The following SVEP1 variants were observed in gnomAD, a reference collection of about 807,000 sequenced individuals.
The protein encoded by SVEP1 is sushi, von Willebrand factor type A, EGF and pentraxin domain-containing protein 1.
SVEP1 carries 164 observed loss-of-function variants against 367.3 expected under a neutral mutation model. That is an observed-to-expected ratio of 0.45 (90% CI 0.39 to 0.51). The LOEUF (loss-of-function observed/expected upper bound fraction) is 0.51. Among genes scored for constraint, SVEP1 ranks in the 20% least tolerant of loss-of-function variants. SVEP1 has a pLI of 0.00. For synonymous variants in SVEP1, 1,666 were observed against 1,611.6 expected, an observed-to-expected ratio of 1.03 and a Z score of -0.81; for missense variants, 4,117 against 4,425.3, an observed-to-expected ratio of 0.93 and a Z score of 1.98.
At chr9:110,446,091 A>C (rs114890210) in intron 25 of SVEP1, 53 bp from the exon 26 acceptor site, 10 of 1,507,558 alleles carry the variant, frequency 6.6e-6, no homozygotes, top group Non-Finnish European at 8.1e-6. Context: ...GACATTTCCA[A>C]TTGTCAGAGG....
At chr9:110,578,946 G>T in intron 1 of SVEP1, 67 bp downstream of exon 1, 2 of 1,504,834 alleles carry the variant, frequency 1.3e-6, no homozygotes, top group East Asian at 2.5e-5. Context: ...GGATAGAGAC[G>T]GGCAGGCAGC....
rs190085107 is a variant in SVEP1, at chr9:110,460,511, G to A, written c.3323-1398C>T. ...CTCATGCCTGTAACCCCAGCACTTT[G>A]GGAAGCTGAGGTGGGCGAATCACTT... On this transcript the variant is annotated intron_variant, in intron 18 of 47. Transcript: ENST00000374469. Among the ~76,000 whole-genome samples the A allele has an allele frequency of 1.6e-3, 244 of 152,274 alleles. 1 individual carries two copies. The highest frequency in any genetic ancestry group is 3.2e-4 in the Non-Finnish European group (22 of 68,014).
chr9:110,463,574 TAAAGAAAAAGGAAGGAAAGAAAGAAAG>T (rs1828891586), intron 18 of SVEP1, among the ~76,000 whole-genome samples: 1 of 59,922 alleles, frequency 1.7e-5, no homozygotes, highest in East Asian at 3.9e-4. Context: ...AAAGAGAAAA[TAAAGAAAAAGGAAGGAAAGAAAGAAAG>T]GAAGAAAAAG....
chr9:110,463,588 GGAAA>G (rs1278153625), intron 18 of SVEP1, among the ~76,000 whole-genome samples: 2 of 135,874 alleles, frequency 1.5e-5, no homozygotes, highest in East Asian at 2.1e-4. Context: ...GAAAAAGGAA[GGAAA>G]GAAAGAAAGG....
intron 5 of SVEP1, among the ~76,000 whole-genome samples, chr9:110,506,996 T>C (rs889290482): frequency 2.6e-5 from 4 of 151,998 alleles, no homozygotes; most frequent in Admixed American, 2.6e-4. Flanking sequence ...GCACTCTCAG[T>C]CAGAAGGCAT....
chr9:110,397,135 C>T (rs1163719002), intron 40 of SVEP1, among the ~76,000 whole-genome samples: 1 of 152,168 alleles, frequency 6.6e-6, no homozygotes, highest in Non-Finnish European at 1.5e-5. Flanking sequence ...CATCAAAAAG[C>T]TTATCCACCA....
rs558116795 is a variant in SVEP1, at chr9:110,529,305, G to T, written c.965-15199C>A. 4.6e-5 allele frequency among the ~76,000 whole-genome samples: 7 copies of T among 152,102 alleles called. No individual in the cohort carries two copies. The East Asian group carries it at 1.3e-3, about 29-fold the overall frequency. On this transcript the variant is annotated intron_variant, in intron 3 of 47. Coordinates refer to ENST00000374469, the MANE Select transcript of SVEP1 (RefSeq NM_153366.4). Reference sequence around the variant, plus strand: ...GTAGTATAATTTGAAGTTGAGTAATGTGATGCCTCTATATTTGTTCTTTTT... The same window carrying T: ...GTAGTATAATTTGAAGTTGAGTAATTTGATGCCTCTATATTTGTTCTTTTT...
chr9:110,458,974 G>C lies in SVEP1; in HGVS notation c.3462C>G (p.Ser1154=). 1 of 1,613,512 alleles carries C rather than the reference G, an allele frequency of 6.2e-7. No individual in the cohort carries two copies. The highest frequency in any genetic ancestry group is 8.5e-7 in the Non-Finnish European group (1 of 1,179,596). ...PFYGTTPFAG[S]RSITECSSFS... ...TACTTGAACATTCTGTGATGGATCT[G>C]GAACCAGCGAATGGGGTAGTTCCAT... The change falls in exon 19 of 48, where the codon TCC becomes TCG. Residue 1154 remains serine, a synonymous_variant. Transcript: ENST00000374469.
At chr9:110,485,133 G>A (rs138882444) in intron 9 of SVEP1, among the ~76,000 whole-genome samples, 155 of 152,238 alleles carry the variant, frequency 1.0e-3, no homozygotes, top group African/African-American at 3.5e-3. Flanking sequence ...ATACATGCAC[G>A]TGTATGTTCA....
At chr9:110,392,509 T>A (rs1564128387) in intron 40 of SVEP1, among the ~76,000 whole-genome samples, 1 of 152,192 alleles carries the variant, frequency 6.6e-6, no homozygotes, top group Admixed American at 6.5e-5. Context: ...TCTCCATTTT[T>A]TGTGACTTCA....
intron 35 of SVEP1, among the ~76,000 whole-genome samples, chr9:110,428,419 C>CAGACACAA (rs373532645): frequency 6.6e-6 from 1 of 151,522 alleles, no homozygotes. Flanking sequence ...CACACACACA[C>CAGACACAA]ACACACACAC....
In SVEP1 at chr9:110,561,824, T is replaced by C. The variant is rs374436833; in HGVS notation, c.532-11720A>G. ...TACTGTAATTTTAAGTCAATCACTG[T>C]TAGTATGCTTCATTTATTTTAAGTA... On this transcript the variant is annotated intron_variant, in intron 1 of 47. Coordinates refer to ENST00000374469, the MANE Select transcript of SVEP1 (RefSeq NM_153366.4). Among the ~76,000 whole-genome samples, 14 of 152,318 alleles carry C rather than the reference T, an allele frequency of 9.2e-5. No homozygotes were observed. In the East Asian group the frequency reaches 1.4e-3, roughly 15 times the overall value.
At position 110,512,572 on chromosome 9, in the gene SVEP1, T is replaced by G. The variant is rs539111937; in HGVS notation, c.1303+354A>C. ...TGTTGCAGGATACTTGTGTGATTCC[T>G]TAAGTCCTACAATTCCAAGAGGCAT... On this transcript the variant is annotated intron_variant, in intron 5 of 47. Coordinates refer to ENST00000374469, the MANE Select transcript of SVEP1 (RefSeq NM_153366.4). 3.3e-4 allele frequency among the ~76,000 whole-genome samples: 51 copies of G among 152,282 alleles called. 1 individual carries two copies. The highest frequency in any genetic ancestry group is 1.2e-3 in the African/African-American group (48 of 41,566).
At position 110,498,111 on chromosome 9, in the gene SVEP1, G is replaced by A. The variant is rs7039069; in HGVS notation, c.1681+930C>T. On this transcript the variant is annotated intron_variant, in intron 7 of 47. Coordinates refer to ENST00000374469, the MANE Select transcript of SVEP1 (RefSeq NM_153366.4). ...CCTTGTGGCATTTAAAGTTGTAAAT[G>A]AAATAGGTAACGTGAGTCTAATTCT... Among the ~76,000 whole-genome samples, 1,319 of 152,284 alleles carry A rather than the reference G, an allele frequency of 8.7e-3. 26 individuals carry two copies. The highest frequency in any genetic ancestry group is 0.029 in the African/African-American group (1,225 of 41,552).
chr9:110,539,689 T>C (rs980894720), intron 3 of SVEP1, among the ~76,000 whole-genome samples: 5 of 151,462 alleles, frequency 3.3e-5, no homozygotes, highest in African/African-American at 1.2e-4. Context: ...TATATGTATA[T>C]TTAAATAAGA....
intron 2 of SVEP1, among the ~76,000 whole-genome samples, chr9:110,549,137 G>A (rs938217863): frequency 6.6e-6 from 1 of 152,086 alleles, no homozygotes; most frequent in Non-Finnish European, 1.5e-5. Flanking sequence ...TAGATTTCCT[G>A]TGATTTCTTC....
chr9:110,405,599 A>G (rs989117500), intron 38 of SVEP1, among the ~76,000 whole-genome samples: 2 of 152,000 alleles, frequency 1.3e-5, no homozygotes, highest in African/African-American at 4.8e-5. Context: ...ATTCATATGT[A>G]TTATGAATAC....
At position 110,365,817 on chromosome 9, in the gene SVEP1, G is replaced by GAGAA. The variant is rs1827190958; in HGVS notation, c.*718_*721dup. On this transcript the variant is annotated 3_prime_UTR_variant, in exon 48 of 48. Transcript: ENST00000374469. ...TTCTTGCATTTCTTATTCCAGCCAC[G>GAGAA]AGAAAGAAGGCTAGCACTTTCATTG... 6.6e-6 allele frequency: 1 copy of GAGAA among 152,134 alleles called. No individual in the cohort carries two copies. The highest frequency in any genetic ancestry group is 1.5e-5 in the Non-Finnish European group (1 of 68,054). 9.4% of individuals were successfully genotyped at this position (152,134 alleles called of 1,614,324 possible). A position where few individuals can be genotyped will look rare whatever the true frequency, so the allele number is the denominator to read the frequency against.
At chr9:110,425,045 G>A (rs1034854542) in intron 36 of SVEP1, among the ~76,000 whole-genome samples, 3 of 152,014 alleles carry the variant, frequency 2.0e-5, no homozygotes, top group African/African-American at 7.3e-5. Context: ...CAAGAGAGAG[G>A]CTTTCCTTCC....
Sources: gnomAD v4.1 joint callset for allele counts (sites outside exome capture counted in the v4.1 genomes callset) on GRCh38, gnomAD v4.1.1 for gene constraint, MANE v1.5 for transcripts, NCBI Gene and HGNC (gene_info 2026-07-23, HGNC 2026-07-21) for gene names.